Variants in NPR3 observed in about 807,000 individuals in gnomAD.
NPR3 encodes the protein natriuretic peptide receptor 3, also known as atrial natriuretic peptide receptor 3.
Under a neutral mutation model 54.5 loss-of-function variants are expected in NPR3, and 34 were observed. The observed-to-expected ratio is 0.62, with a 90% CI of 0.47 to 0.83. The LOEUF is 0.83. Among genes scored for constraint, NPR3 ranks in the 40% least tolerant of loss-of-function variants. The pLI is 0.00. For synonymous variants in NPR3, 289 were observed against 297.1 expected, an observed-to-expected ratio of 0.97 and a Z score of 0.28; for missense variants, 674 against 720.8, an observed-to-expected ratio of 0.94 and a Z score of 0.74.
chr5:32,778,082 CA>C (rs146170121), intron 4 of NPR3, among the ~76,000 whole-genome samples: 3,337 of 152,058 alleles, frequency 0.022, 128 homozygotes, highest in African/African-American at 0.076. Context: ...GGGTAGGTGC[CA>C]ATGATGGCTG....
chr5:32,780,519 G>A (rs1742282514), intron 4 of NPR3, among the ~76,000 whole-genome samples: 1 of 152,108 alleles, frequency 6.6e-6, no homozygotes, highest in Non-Finnish European at 1.5e-5. Flanking sequence ...TTTAAATGGA[G>A]AAATGTTAAG....
chr5:32,706,102 G>A (rs1415394327), upstream of NPR3, among the ~76,000 whole-genome samples: 2 of 152,090 alleles, frequency 1.3e-5, no homozygotes, highest in Admixed American at 6.5e-5. Flanking sequence ...GCAATAGTGA[G>A]TGAATTCTCA....
At chr5:32,715,346 C>CT (rs577967970) in intron 1 of NPR3, among the ~76,000 whole-genome samples, 2 of 151,250 alleles carry the variant, frequency 1.3e-5, no homozygotes, top group Non-Finnish European at 3.0e-5. Flanking sequence ...ATTGGTATTA[C>CT]TTTTTTTTTG....
At chr5:32,782,791 T>A in intron 5 of NPR3, 102 bp from the exon 6 acceptor site, 1 of 1,170,446 alleles carries the variant, frequency 8.5e-7, no homozygotes, top group South Asian at 1.6e-5. Flanking sequence ...GGCAGCCAGT[T>A]TAGATCAGGC....
intron 3 of NPR3, among the ~76,000 whole-genome samples, chr5:32,762,682 G>A (rs1741240715): frequency 6.6e-6 from 1 of 151,878 alleles, no homozygotes; most frequent in South Asian, 2.1e-4. Context: ...GGGGTTGTTT[G>A]TTTTTTTCTT....
intron 1 of NPR3, among the ~76,000 whole-genome samples, chr5:32,693,070 G>A (rs1014279411): frequency 5.3e-5 from 8 of 152,010 alleles, no homozygotes; most frequent in South Asian, 2.1e-4. Flanking sequence ...TGCAGTGAGC[G>A]GTGACTGTGC....
upstream of NPR3, among the ~76,000 whole-genome samples, chr5:32,704,910 TAGTC>T (rs1737946016): frequency 6.6e-6 from 1 of 152,254 alleles, no homozygotes; most frequent in Non-Finnish European, 1.5e-5. Context: ...CCATTAAACA[TAGTC>T]AGTATTGGTA....
rs1037063381 is a variant in NPR3 at position 32,787,358 on chromosome 5, G to C, written c.*1013G>C. ...TACTGTTTAACTGTTTTAAATGCAA[G>C]TTATTTTAGGGTGACACTCCTTCCA... On this transcript the variant is annotated 3_prime_UTR_variant, in exon 8 of 8. Coordinates refer to ENST00000265074, the MANE Select transcript of NPR3 (RefSeq NM_001204375.2). 6.6e-6 allele frequency: 1 copy of C among 152,136 alleles called. No homozygotes were observed. Among genetic ancestry groups the C allele is most frequent in the Admixed American group, 6.6e-5 (1 of 15,264 alleles). The allele number at this position is 152,136 out of a possible 1,614,324, so 9.4% of individuals were successfully genotyped here.
chr5:32,770,062 G>A (rs948967722), intron 3 of NPR3, among the ~76,000 whole-genome samples: 3 of 152,120 alleles, frequency 2.0e-5, no homozygotes, highest in Non-Finnish European at 4.4e-5. Context: ...TGGCTGGCAG[G>A]TGCTATCAGA....
intron 3 of NPR3, among the ~76,000 whole-genome samples, chr5:32,769,908 G>A (rs779945934): frequency 6.6e-6 from 1 of 152,212 alleles, no homozygotes; most frequent in Non-Finnish European, 1.5e-5. Context: ...AAGTGAGAGC[G>A]ACGTGGCTCG....
chr5:32,724,044 C>T (rs1344038934), intron 1 of NPR3, among the ~76,000 whole-genome samples: 1 of 152,188 alleles, frequency 6.6e-6, no homozygotes, highest in Non-Finnish European at 1.5e-5. Context: ...AAACATTCAA[C>T]TGTGTACTTC....
chr5:32,708,519 CATGATGT>C (rs1738057703), upstream of NPR3, among the ~76,000 whole-genome samples: 1 of 152,158 alleles, frequency 6.6e-6, no homozygotes, highest in Non-Finnish European at 1.5e-5. Context: ...AACACTTTCA[CATGATGT>C]AACTGGTGGT....
rs1355994965 is a variant in NPR3 at position 32,711,560 on chromosome 5, C to CTT, written c.-213_-212dup. 58 of 1,238,526 alleles carry CTT rather than the reference C, an allele frequency of 4.7e-5. No individual in the cohort carries two copies. Among genetic ancestry groups the CTT allele is most frequent in the Non-Finnish European group, 5.5e-5 (55 of 994,314 alleles). The allele number at this position is 1,238,526 out of a possible 1,614,324, so 76.7% of individuals were successfully genotyped here. A position where few individuals can be genotyped will look rare whatever the true frequency, so the allele number is the denominator to read the frequency against. Reference sequence around the variant, plus strand: ...TACACCCGGTGAACTTTTTCTTTTTCTTTTTCTTTTTTTTTTAAGAAAAAC... The same window carrying CTT: ...TACACCCGGTGAACTTTTTCTTTTTCTTTTTTTCTTTTTTTTTTAAGAAAAAC... On this transcript the variant is annotated 5_prime_UTR_variant, in exon 1 of 8. Transcript: ENST00000265074.
chr5:32,710,860 T>G (rs1579581676), upstream of NPR3: 3 of 208,630 alleles, frequency 1.4e-5, no homozygotes, highest in Non-Finnish European at 1.4e-5. Flanking sequence ...CCAGTCCTGG[T>G]TTTTTTTTTT....
intron 3 of NPR3, among the ~76,000 whole-genome samples, chr5:32,744,979 T>G (rs992059970): frequency 5.3e-5 from 8 of 152,198 alleles, no homozygotes; most frequent in African/African-American, 1.9e-4. Flanking sequence ...ATTATGGTTA[T>G]TATTTTTGTT....
rs984872719 is a variant in NPR3 at position 32,712,477 on chromosome 5, A to T, written c.701A>T (p.Tyr234Phe). ...GAGGAGGGTTTGCACACGTCCATCT[A>T]CAGTTTCGACGAGACCAAAGACTTG... is the stretch of plus-strand genomic sequence containing the variant. ...FQEEGLHTSI[Y>F]SFDETKDLDL... Residue 234 changes from tyrosine to phenylalanine, a missense_variant, in exon 1 of 8, where the codon TAC becomes TTC. Transcript: ENST00000265074. 4 of 1,587,776 alleles carry T rather than the reference A, an allele frequency of 2.5e-6. No individual in the cohort carries two copies. The highest frequency in any genetic ancestry group is 2.6e-6 in the Non-Finnish European group (3 of 1,168,902).
chr5:32,743,987 A>ATTTTTTTT (rs199604802), intron 3 of NPR3, among the ~76,000 whole-genome samples: 1 of 113,830 alleles, frequency 8.8e-6, no homozygotes, highest in Non-Finnish European at 1.8e-5. Context: ...ATTCTGATGC[A>ATTTTTTTT]TTTTTTTTTT....
intron 1 of NPR3, among the ~76,000 whole-genome samples, chr5:32,692,443 A>T (rs1470641640): frequency 6.6e-6 from 1 of 152,232 alleles, no homozygotes; most frequent in Non-Finnish European, 1.5e-5. Flanking sequence ...AAAGACGAAT[A>T]TTTAAAGTGA....
intron 1 of NPR3, among the ~76,000 whole-genome samples, chr5:32,695,413 C>A (rs961400267): frequency 1.3e-5 from 2 of 152,130 alleles, no homozygotes; most frequent in African/African-American, 4.8e-5. Context: ...TACAGGTGCC[C>A]GCCACCACGC....
Sources: allele counts gnomAD v4.1 joint callset (sites outside exome capture counted in the v4.1 genomes callset), GRCh38; gene constraint gnomAD v4.1.1; transcripts MANE v1.5; gene names NCBI Gene and HGNC (gene_info 2026-07-23, HGNC 2026-07-21).